CKS1B: variants seen among roughly 807,000 people sequenced by gnomAD.
CKS1B encodes the protein cyclin-dependent kinases regulatory subunit 1.
Under a neutral mutation model 12.2 loss-of-function variants are expected in CKS1B, and 5 were observed. That is an observed-to-expected ratio of 0.41 (90% CI 0.21 to 0.86). CKS1B has a LOEUF of 0.86. Among genes scored for constraint, CKS1B ranks in the 40% least tolerant of loss-of-function variants. The pLI is 0.32. For synonymous variants in CKS1B, 24 were observed against 34.4 expected (o/e 0.70, Z 1.06); for missense variants, 53 against 99.9 (o/e 0.53, Z 2.00).
chr1:154,976,241 A>G (rs1657181873), intron 1 of CKS1B, among the ~76,000 whole-genome samples: 1 of 152,238 alleles, frequency 6.6e-6, no homozygotes, highest in Non-Finnish European at 1.5e-5. Context: ...AAGGATGGTG[A>G]TGATGGAATC....
intron 1 of CKS1B, among the ~76,000 whole-genome samples, chr1:154,976,985 A>G (rs1657204003): frequency 1.3e-5 from 2 of 152,212 alleles, no homozygotes; most frequent in Admixed American, 1.3e-4. Flanking sequence ...GTCTCAAGGT[A>G]CATCCCTCCA....
In CKS1B at chr1:154,974,719, G is replaced by A. The variant is rs1331359525; in HGVS notation, c.-27G>A. The A allele has an allele frequency of 6.4e-6, 10 of 1,570,586 alleles. No homozygotes were observed. The highest frequency in any genetic ancestry group is 7.8e-6 in the Non-Finnish European group (9 of 1,157,972). On this transcript the variant is annotated 5_prime_UTR_variant, in exon 1 of 3. Coordinates refer to ENST00000308987, the MANE Select transcript of CKS1B (RefSeq NM_001826.3). The stretch of plus-strand genomic sequence containing the variant: ...AGTTGCTTGGAGGTTGGCGGCGCGG[G>A]GCTGAAGGCTAGCAAACCGAGCGAT...
At chr1:154,978,681 A>C (rs1162682648) in intron 2 of CKS1B, 44 bp from the exon 3 acceptor site, 1 of 1,564,218 alleles carries the variant, frequency 6.4e-7, no homozygotes, top group South Asian at 1.1e-5. Flanking sequence ...GGTTGTACAT[A>C]GAATGGTGTG....
intron 1 of CKS1B, among the ~76,000 whole-genome samples, chr1:154,975,352 A>C (rs772543086): frequency 6.6e-6 from 1 of 152,190 alleles, no homozygotes. Flanking sequence ...AAAATACTTA[A>C]TATGGGTCTA....
chr1:154,976,797 T>C (rs1657198342), intron 1 of CKS1B, among the ~76,000 whole-genome samples: 2 of 152,210 alleles, frequency 1.3e-5, no homozygotes, highest in African/African-American at 4.8e-5. Context: ...ACTAGAATTT[T>C]TTCTTTTAGG....
chr1:154,974,887 C>A, intron 1 of CKS1B, 83 bp downstream of exon 1: 1 of 1,613,930 alleles, frequency 6.2e-7, no homozygotes, highest in Non-Finnish European at 8.5e-7. Context: ...GGAACTGAGG[C>A]GATAGAATTG....
chr1:154,977,994 A>G lies in CKS1B; in HGVS notation c.67A>G (p.Met23Val), dbSNP rs766540992. 19 of 1,613,230 alleles carry G rather than the reference A, an allele frequency of 1.2e-5. No individual in the cohort carries two copies. In the Admixed American group the frequency reaches 3.2e-4, roughly 27 times the overall value. Residue 23 changes from methionine to valine, a missense_variant, in exon 2 of 3, where the codon ATG (methionine) becomes GTG (valine). Met to Val is a conservative substitution (Grantham distance 21). Transcript: ENST00000308987. ...TCCCCGTTTCTGTTACAGACATGTC[A>G]TGCTGCCCAAGGACATAGCCAAGCT... ...DDEEFEYRHV[M>V]LPKDIAKLVP...
Position 154,978,787 on chromosome 1 carries a change from G to C in CKS1B, c.*10G>C. 6.4e-7 allele frequency: 1 copy of C among 1,567,416 alleles called. No individual in the cohort carries two copies. The highest frequency in any genetic ancestry group is 8.8e-7 in the Non-Finnish European group (1 of 1,138,346). On this transcript the variant is annotated 3_prime_UTR_variant, in exon 3 of 3. Transcript: ENST00000308987. The stretch of plus-strand genomic sequence containing the variant: ...GAAACCAAAGAAATGAAGCTGGCAA[G>C]CTACTTTTCAGCCTCAAGCTTTACA...
At position 154,975,026 on chromosome 1, in the gene CKS1B, G is replaced by A; in HGVS notation, c.59+222G>A. 6.5e-6 allele frequency: 8 copies of A among 1,239,624 alleles called. No homozygotes were observed. In the South Asian group the frequency reaches 9.6e-5, roughly 15 times the overall value. 76.8% of individuals were successfully genotyped at this position (1,239,624 alleles called of 1,614,324 possible). The stretch of plus-strand genomic sequence containing the variant: ...TTTGGAGTCGCCTCTCAGTAGAGAG[G>A]AGAGAGGGGTGGGCGTGGTTAGGGT... On this transcript the variant is annotated intron_variant, in intron 1 of 2. Transcript: ENST00000308987.
At chr1:154,978,174 A>C (rs767670588) in intron 2 of CKS1B, 60 bp downstream of exon 2, 1 of 1,534,776 alleles carries the variant, frequency 6.5e-7, no homozygotes, top group South Asian at 1.2e-5. Context: ...ATGAAAGAAT[A>C]AGATTGTATA....
At chr1:154,974,976 G>C (rs1397171411) in intron 1 of CKS1B, 172 bp downstream of exon 1, 13 of 1,597,252 alleles carry the variant, frequency 8.1e-6, no homozygotes, top group Non-Finnish European at 1.0e-5. Flanking sequence ...GGTGGGAGGC[G>C]CTCGTAAAAC....
rs1657231912 is a variant in CKS1B at position 154,978,017 on chromosome 1, G to A, written c.90G>A (p.Lys30=). The change falls in exon 2 of 3, where the codon AAG becomes AAA. Residue 30 remains lysine, a synonymous_variant. Transcript: ENST00000308987. ...TCATGCTGCCCAAGGACATAGCCAA[G>A]CTGGTCCCTAAAACCCATCTGATGT... ...RHVMLPKDIA[K]LVPKTHLMSE... is the part of the protein sequence containing the mutation. 1.2e-6 allele frequency: 2 copies of A among 1,614,010 alleles called. No homozygotes were observed. The highest frequency in any genetic ancestry group is 2.7e-5 in the African/African-American group (2 of 75,028).
chr1:154,975,764 T>C (rs752754833), intron 1 of CKS1B: 2 of 154,654 alleles, frequency 1.3e-5, no homozygotes, highest in Non-Finnish European at 2.9e-5. Context: ...CTGGGCTTGG[T>C]TTGGGGGCGG....
At chr1:154,978,241 G>A (rs1217684975) in intron 2 of CKS1B, 127 bp downstream of exon 2, 12 of 1,040,948 alleles carry the variant, frequency 1.2e-5, no homozygotes, top group South Asian at 6.5e-5. Context: ...CAGTCGTGGG[G>A]GATTTTTTTA....
intron 1 of CKS1B, chr1:154,977,659 T>G (rs1444362941): frequency 4.4e-6 from 1 of 228,924 alleles, no homozygotes; most frequent in Non-Finnish European, 8.5e-6. Context: ...TCCTTCTAAT[T>G]ATTAACACTG....
At chr1:154,977,225 C>T (rs1177836464) in intron 1 of CKS1B, 1 of 152,084 alleles carries the variant, frequency 6.6e-6, no homozygotes, top group African/African-American at 2.4e-5. Flanking sequence ...GGATTCTCTC[C>T]TGCCTCAACC....
chr1:154,977,765 C>A (rs1657226575), intron 1 of CKS1B: 2 of 500,310 alleles, frequency 4.0e-6, no homozygotes. Context: ...CTTAAGTGCT[C>A]ATTCACTGGA....
At chr1:154,974,943 A>G in intron 1 of CKS1B, 139 bp downstream of exon 1, 1 of 1,613,244 alleles carries the variant, frequency 6.2e-7, no homozygotes, top group Non-Finnish European at 8.5e-7. Flanking sequence ...GATATTGTGG[A>G]AGGCGTAAGG....
In CKS1B at chr1:154,978,114, G is replaced by A. The variant is rs1426366936; in HGVS notation, c.187G>A (p.Glu63Lys). The A allele has an allele frequency of 6.2e-7, 1 of 1,613,814 alleles. No homozygotes were observed. ...GWVHYMIHEP[E>K]PHILLFRRPL... ...GGTCCATTATATGATCCATGAACCAGGTCAGTGCACTGGCTAAAAACAACC... is the reference window on the plus strand; with the variant it reads ...GGTCCATTATATGATCCATGAACCAAGTCAGTGCACTGGCTAAAAACAACC... The change falls in exon 2 of 3, where the codon GAA becomes AAA. Residue 63 changes from glutamate to lysine, a missense_variant and splice_region_variant. Physicochemically the swap from Glu to Lys is moderately conservative, Grantham distance 56 (BLOSUM62 1). Coordinates refer to ENST00000308987, the MANE Select transcript of CKS1B (RefSeq NM_001826.3).
Sources: allele counts gnomAD v4.1 joint callset (sites outside exome capture counted in the v4.1 genomes callset), GRCh38; gene constraint gnomAD v4.1.1; transcripts MANE v1.5; gene names NCBI Gene and HGNC (gene_info 2026-07-23, HGNC 2026-07-21).